SETD5: variants seen among roughly 807,000 people sequenced by gnomAD.
SETD5 encodes histone-lysine N-methyltransferase SETD5.
SETD5 carries 44 observed loss-of-function variants against 153.3 expected under a neutral mutation model. The observed-to-expected ratio is 0.29, with a 90% CI of 0.23 to 0.37. The LOEUF (loss-of-function observed/expected upper bound fraction) is 0.37, where lower values mean the gene tolerates loss of function less well. SETD5 is among the 10% of genes least tolerant of loss of function. SETD5 has a pLI of 1.00. For synonymous variants in SETD5, 716 were observed against 645.2 expected (o/e 1.11, Z -1.66); for missense variants, 1,544 against 1,768.0 (o/e 0.87, Z 2.27).
intron 17 of SETD5, among the ~76,000 whole-genome samples, chr3:9,463,720 T>C (rs1241087761): frequency 2.0e-5 from 3 of 152,166 alleles, no homozygotes; most frequent in African/African-American, 7.2e-5. Flanking sequence ...GACACACATA[T>C]ATAAGAGATG....
At chr3:9,460,137 C>A (rs1282772075) in intron 17 of SETD5, among the ~76,000 whole-genome samples, 2 of 151,516 alleles carry the variant, frequency 1.3e-5, no homozygotes. Context: ...TATTATCTAC[C>A]TAGAGAGTTA....
In SETD5 at chr3:9,452,363, G is replaced by A. The variant is rs540157367; in HGVS notation, c.2347-1376G>A. On this transcript the variant is annotated intron_variant, in intron 16 of 22. Coordinates refer to ENST00000402198, the MANE Select transcript of SETD5 (RefSeq NM_001080517.3). ...TTTCCATTTATAAAATGAGTGCTTT[G>A]GACAAGATGACTTCTAAGTTCTCTT... is the stretch of plus-strand genomic sequence containing the variant. 8.5e-5 allele frequency among the ~76,000 whole-genome samples: 13 copies of A among 152,284 alleles called. No homozygotes were observed. In the South Asian group the frequency reaches 2.1e-3, roughly 24 times the overall value.
intron 1 of SETD5, among the ~76,000 whole-genome samples, chr3:9,412,510 C>G (rs1380693243): frequency 6.6e-6 from 1 of 150,498 alleles, no homozygotes; most frequent in East Asian, 2.0e-4. Context: ...TCAAGCAGTC[C>G]TCCCACCTCA....
chr3:9,422,686 T>A (rs2038584950), intron 1 of SETD5, among the ~76,000 whole-genome samples: 1 of 152,240 alleles, frequency 6.6e-6, no homozygotes, highest in Non-Finnish European at 1.5e-5. Flanking sequence ...TTCTTATGTA[T>A]CTTAATATAT....
chr3:9,439,079 G>A (rs2040951344), intron 7 of SETD5, among the ~76,000 whole-genome samples: 2 of 152,188 alleles, frequency 1.3e-5, no homozygotes, highest in African/African-American at 2.4e-5. Context: ...TTTAACAATT[G>A]CCACTTAAAG....
At chr3:9,441,841 A>T in intron 9 of SETD5, 100 bp downstream of exon 9, 1 of 1,438,456 alleles carries the variant, frequency 7.0e-7, no homozygotes, top group East Asian at 2.3e-5. Flanking sequence ...CTTGGGAGAA[A>T]AAAATCACAA....
chr3:9,445,969 T>G (rs973454253), intron 13 of SETD5, among the ~76,000 whole-genome samples: 2 of 145,440 alleles, frequency 1.4e-5, no homozygotes, highest in Non-Finnish European at 3.0e-5. Flanking sequence ...GAGGTTGTTT[T>G]TTTTTTTTTT....
At position 9,436,770 on chromosome 3, in the gene SETD5, A is replaced by G. The variant is rs2040618474; in HGVS notation, c.567+864A>G. ...AGAATAGAACACTAGTTTGTGCCTT[A>G]GTTTTAGTCTCAGATAGGTATAACT... is the stretch of plus-strand genomic sequence containing the variant. On this transcript the variant is annotated intron_variant, in intron 7 of 22. Coordinates refer to ENST00000402198, the MANE Select transcript of SETD5 (RefSeq NM_001080517.3). The G allele has an allele frequency of 6.4e-6, 8 of 1,246,328 alleles. No homozygotes were observed. The South Asian group carries it at 8.0e-5, about 12-fold the overall frequency. 77.2% of individuals were successfully genotyped at this position (1,246,328 alleles called of 1,614,324 possible). A position where few individuals can be genotyped will look rare whatever the true frequency, so the allele number is the denominator to read the frequency against.
chr3:9,400,941 T>A (rs544324530), intron 1 of SETD5, among the ~76,000 whole-genome samples: 208 of 152,350 alleles, frequency 1.4e-3, no homozygotes, highest in Non-Finnish European at 2.5e-3. Flanking sequence ...ACTGGACATA[T>A]TCCTGTGTGC....
At chr3:9,402,294 G>A (rs563755119) in intron 1 of SETD5, among the ~76,000 whole-genome samples, 7 of 152,170 alleles carry the variant, frequency 4.6e-5, no homozygotes, top group East Asian at 3.9e-4. Flanking sequence ...CTTAGCGAAG[G>A]GAACTATGGG....
chr3:9,456,201 G>A lies in SETD5; in HGVS notation c.2476+2333G>A, dbSNP rs536032056. 8.6e-5 allele frequency among the ~76,000 whole-genome samples: 13 copies of A among 151,972 alleles called. No homozygotes were observed. In the East Asian group the frequency reaches 1.2e-3, roughly 14 times the overall value. ...TTACTAGAAGTCTCTGAGGCTAGGC[G>A]TTGGTGGCTCACACCTGTAATCCCA... On this transcript the variant is annotated intron_variant, in intron 17 of 22. Transcript: ENST00000402198.
intron 3 of SETD5, chr3:9,429,888 C>T: frequency 7.7e-7 from 1 of 1,303,946 alleles, no homozygotes; most frequent in Non-Finnish European, 1.0e-6. Flanking sequence ...ATGTGAAAGT[C>T]CAGCGAAAGA....
chr3:9,409,320 G>T (rs2036201013), intron 1 of SETD5, among the ~76,000 whole-genome samples: 1 of 152,014 alleles, frequency 6.6e-6, no homozygotes, highest in Admixed American at 6.6e-5. Context: ...TAAGCACTTG[G>T]GTTTTTTACC....
In SETD5 at chr3:9,429,087, AATATGT is replaced by A. The variant is rs2039652986; in HGVS notation, c.71+80_71+85del. On this transcript the variant is annotated intron_variant, in intron 3 of 22. Transcript: ENST00000402198. ...CCTTCTTATGGATAGCTAATAGGAT[AATATGT>A]AGTATTTTCTTAACCAGATCCTATT... The A allele has an allele frequency of 5.3e-6, 5 of 950,160 alleles. No individual in the cohort carries two copies. The Admixed American group carries it at 1.0e-4, about 20-fold the overall frequency. 58.9% of individuals were successfully genotyped at this position (950,160 alleles called of 1,614,324 possible). A position where few individuals can be genotyped will look rare whatever the true frequency, so the allele number is the denominator to read the frequency against.
chr3:9,439,909 A>G (rs17050346), intron 7 of SETD5, among the ~76,000 whole-genome samples: 9,102 of 151,828 alleles, frequency 0.06, 404 homozygotes, highest in Admixed American at 0.12. Context: ...GATTAATGAG[A>G]TTGATTGATT....
chr3:9,437,004 T>A (rs1325375048), intron 7 of SETD5: 2 of 871,562 alleles, frequency 2.3e-6, no homozygotes, highest in African/African-American at 1.7e-5. Context: ...TTCATTAGTT[T>A]GTAGTTGTTG....
At chr3:9,439,370 T>G (rs573558739) in intron 7 of SETD5, among the ~76,000 whole-genome samples, 2 of 152,238 alleles carry the variant, frequency 1.3e-5, no homozygotes, top group Non-Finnish European at 2.9e-5. Context: ...GCAACAGTGA[T>G]GCAAAAGTGG....
chr3:9,407,208 A>G (rs970222232), intron 1 of SETD5, among the ~76,000 whole-genome samples: 1 of 152,108 alleles, frequency 6.6e-6, no homozygotes, highest in Non-Finnish European at 1.5e-5. Context: ...CGAGCTTGTA[A>G]TCCCAGCTAC....
At chr3:9,436,959 T>C in intron 7 of SETD5, 2 of 1,354,166 alleles carry the variant, frequency 1.5e-6, no homozygotes, top group Non-Finnish European at 2.0e-6. Flanking sequence ...GCTTCTTTCC[T>C]GACATTGATG....
Sources: allele counts gnomAD v4.1 joint callset (sites outside exome capture counted in the v4.1 genomes callset), GRCh38; gene constraint gnomAD v4.1.1; transcripts MANE v1.5; gene names NCBI Gene and HGNC (gene_info 2026-07-23, HGNC 2026-07-21).